The following PDE6D variants were observed in gnomAD, a reference collection of about 807,000 sequenced individuals.
PDE6D encodes the protein retinal rod rhodopsin-sensitive cGMP 3',5'-cyclic phosphodiesterase subunit delta.
In PDE6D, 10 loss-of-function variants were observed where a neutral mutation model predicts 21.9. The observed-to-expected ratio is 0.46, with a 90% CI of 0.28 to 0.78. PDE6D has a LOEUF of 0.78. Among genes scored for constraint, PDE6D ranks in the 30% least tolerant of loss-of-function variants. PDE6D has a pLI of 0.12. For synonymous variants in PDE6D, 59 were observed against 63.5 expected (o/e 0.93, Z 0.34); for missense variants, 139 against 184.8 (o/e 0.75, Z 1.44).
chr2:231,764,706 T>C (rs1365552070), intron 1 of PDE6D, among the ~76,000 whole-genome samples: 1 of 152,210 alleles, frequency 6.6e-6, no homozygotes, highest in African/African-American at 2.4e-5. Flanking sequence ...AAAGTGTTGT[T>C]TGTTACAGCA....
chr2:231,758,091 G>C (rs2048897108), intron 1 of PDE6D, among the ~76,000 whole-genome samples: 1 of 151,980 alleles, frequency 6.6e-6, no homozygotes, highest in Non-Finnish European at 1.5e-5. Flanking sequence ...AATTGTAAAA[G>C]TTTTTTTTAG....
chr2:231,748,855 G>T (rs2048814234), intron 1 of PDE6D, among the ~76,000 whole-genome samples: 1 of 152,266 alleles, frequency 6.6e-6, no homozygotes, highest in Admixed American at 6.5e-5. Context: ...CTTCCATGTG[G>T]TGTTGAGCAT....
intron 1 of PDE6D, among the ~76,000 whole-genome samples, chr2:231,743,950 C>T (rs938821941): frequency 6.6e-6 from 1 of 152,218 alleles, no homozygotes; most frequent in African/African-American, 2.4e-5. Flanking sequence ...AGACATAGTC[C>T]TCATTCGACC....
intron 1 of PDE6D, among the ~76,000 whole-genome samples, chr2:231,751,016 T>A (rs1227853776): frequency 6.6e-6 from 1 of 152,144 alleles, no homozygotes; most frequent in Non-Finnish European, 1.5e-5. Context: ...AATGATATTA[T>A]CCCAAATCCT....
In PDE6D at chr2:231,764,984, G is replaced by A. The variant is rs183044874; in HGVS notation, c.50+16081C>T. 6.2e-3 allele frequency among the ~76,000 whole-genome samples: 939 copies of A among 152,196 alleles called. 8 individuals are homozygous for A. Among genetic ancestry groups the A allele is most frequent in the Non-Finnish European group, 0.01 (697 of 68,014 alleles). ...ACTGTAAAAAGGGCAATTCAGGCTG[G>A]GTGCAGTGGCACATGCCTGTAATAC... On this transcript the variant is annotated intron_variant, in intron 1 of 4. Transcript: ENST00000287600.
chr2:231,743,940 A>G (rs1357859737), intron 1 of PDE6D, among the ~76,000 whole-genome samples: 1 of 152,236 alleles, frequency 6.6e-6, no homozygotes, highest in Non-Finnish European at 1.5e-5. Flanking sequence ...GGTTTTCTGA[A>G]GACATAGTCC....
chr2:231,762,268 ACCT>A (rs2048936780), intron 1 of PDE6D, among the ~76,000 whole-genome samples: 1 of 147,396 alleles, frequency 6.8e-6, no homozygotes, highest in South Asian at 2.2e-4. Flanking sequence ...TAAAAAGTAG[ACCT>A]CCTCTTTTCT....
At chr2:231,737,988 T>C (rs750463491) in intron 3 of PDE6D, 25 bp downstream of exon 3, 2 of 1,605,524 alleles carry the variant, frequency 1.2e-6, no homozygotes, top group Admixed American at 1.7e-5. Flanking sequence ...AAGCCCTGAT[T>C]TCAGGCATGT....
Position 231,781,061 on chromosome 2 carries a change from A to C in PDE6D, c.50+4T>G. ...CCGGCCCCGCCCCGCTCCCGGACGG[A>C]TACAGTTTGAAGCCCCTCAGGATCT... On this transcript the variant is annotated splice_donor_region_variant and intron_variant, in intron 1 of 4. Transcript: ENST00000287600. The C allele has an allele frequency of 1.2e-6, 2 of 1,612,582 alleles. No homozygotes were observed. Among genetic ancestry groups the C allele is most frequent in the Non-Finnish European group, 1.7e-6 (2 of 1,179,150 alleles).
At chr2:231,737,091 G>A (rs1412689969) in intron 4 of PDE6D, 96 bp downstream of exon 4, 4 of 654,398 alleles carry the variant, frequency 6.1e-6, no homozygotes, top group Middle Eastern at 2.7e-4. Context: ...TTTCTCAACC[G>A]AGCTCTCTGC....
rs575792989 is a variant in PDE6D, at chr2:231,753,299, G to A, written c.51-14111C>T. ...GGCACTTTGGGAGGTCGAAGTGGGC[G>A]GATCACGAGGTCAGGAGATCAAGAC... On this transcript the variant is annotated intron_variant, in intron 1 of 4. Transcript: ENST00000287600. Among the ~76,000 whole-genome samples the A allele has an allele frequency of 4.6e-5, 7 of 151,044 alleles. No individual in the cohort carries two copies. The South Asian group carries it at 1.1e-3, about 23-fold the overall frequency.
Position 231,761,366 on chromosome 2 carries a change from TG to T in PDE6D, c.50+19698del, listed in dbSNP as rs1472007637. On this transcript the variant is annotated intron_variant, in intron 1 of 4. Coordinates refer to ENST00000287600, the MANE Select transcript of PDE6D (RefSeq NM_002601.4). The stretch of plus-strand genomic sequence containing the variant: ...AATTTTTTTGTATTTTTAGTAGAGA[TG>T]GGGTTTCACCATGTTAGCCAGGATG... Among the ~76,000 whole-genome samples the T allele has an allele frequency of 4.8e-5, 7 of 145,252 alleles. 1 individual carries two copies. The highest frequency in any genetic ancestry group is 1.7e-4 in the African/African-American group (7 of 40,240).
intron 1 of PDE6D, among the ~76,000 whole-genome samples, chr2:231,746,522 G>A (rs1330313103): frequency 6.6e-6 from 1 of 152,148 alleles, no homozygotes; most frequent in Non-Finnish European, 1.5e-5. Flanking sequence ...GGACACTCCT[G>A]TTAAAGTAGT....
At chr2:231,761,713 A>G (rs988078723) in intron 1 of PDE6D, among the ~76,000 whole-genome samples, 3 of 152,204 alleles carry the variant, frequency 2.0e-5, no homozygotes, top group African/African-American at 7.2e-5. Context: ...CTAATATTTG[A>G]GTACCTACTT....
At chr2:231,745,344 A>C (rs1022914405) in intron 1 of PDE6D, among the ~76,000 whole-genome samples, 2 of 152,216 alleles carry the variant, frequency 1.3e-5, no homozygotes, top group African/African-American at 4.8e-5. Flanking sequence ...ACTGCTAACC[A>C]GATTTTTTAG....
chr2:231,737,407 C>G, intron 3 of PDE6D, 115 bp from the exon 4 acceptor site: 1 of 592,044 alleles, frequency 1.7e-6, no homozygotes, highest in South Asian at 2.1e-5. Flanking sequence ...CCAAAGGAAG[C>G]TATCAGCAAC....
At position 231,733,053 on chromosome 2, in the gene PDE6D, CAG is replaced by C. The variant is rs2048664969; in HGVS notation, c.372-22_372-21del. The C allele has an allele frequency of 6.7e-7, 1 of 1,501,108 alleles. No individual in the cohort carries two copies. Among genetic ancestry groups the C allele is most frequent in the South Asian group, 1.1e-5 (1 of 88,172 alleles). 93.0% of individuals were successfully genotyped at this position (1,501,108 alleles called of 1,614,324 possible). On this transcript the variant is annotated intron_variant, in intron 4 of 4. Coordinates refer to ENST00000287600, the MANE Select transcript of PDE6D (RefSeq NM_002601.4). ...TTCCCACTGTAAGTAAGAAGAGAAA[CAG>C]AGGGCAAAAGAGAGTGAGCATGTTA...
intron 3 of PDE6D, 33 bp from the exon 4 acceptor site, chr2:231,737,325 G>T (rs1248024081): frequency 1.7e-6 from 2 of 1,196,706 alleles, no homozygotes; most frequent in Non-Finnish European, 2.5e-6. Flanking sequence ...GGGTGAGCAG[G>T]TGCCCCAGTA....
In PDE6D at chr2:231,732,874, C is replaced by T. The variant is rs933032568; in HGVS notation, c.*78G>A. The stretch of plus-strand genomic sequence containing the variant: ...AGGGGTGTATGTGTCAAAAATCAAA[C>T]GTGTGGAGGAAAAAAGTAAACAGTT... On this transcript the variant is annotated 3_prime_UTR_variant, in exon 5 of 5. Coordinates refer to ENST00000287600, the MANE Select transcript of PDE6D (RefSeq NM_002601.4). 49 of 934,408 alleles carry T rather than the reference C, an allele frequency of 5.2e-5. No individual in the cohort carries two copies. Among genetic ancestry groups the T allele is most frequent in the Admixed American group, 5.0e-4 (27 of 54,382 alleles). The allele number at this position is 934,408 out of a possible 1,614,324, so 57.9% of individuals were successfully genotyped here. A position where few individuals can be genotyped will look rare whatever the true frequency, so the allele number is the denominator to read the frequency against.
Sources: allele counts gnomAD v4.1 joint callset (sites outside exome capture counted in the v4.1 genomes callset), GRCh38; gene constraint gnomAD v4.1.1; transcripts MANE v1.5; gene names NCBI Gene and HGNC (gene_info 2026-07-23, HGNC 2026-07-21).